The following PSPH variants were observed in gnomAD, a reference collection of about 807,000 sequenced individuals.
The protein encoded by PSPH is L-3-phosphoserine phosphatase.
Under a neutral mutation model 23.4 loss-of-function variants are expected in PSPH, and 16 were observed. The ratio of observed to expected loss-of-function variants is 0.68; its 90% confidence interval spans 0.46 to 1.04. The LOEUF (loss-of-function observed/expected upper bound fraction) is 1.04, where lower values mean the gene tolerates loss of function less well. PSPH is among the 50% of genes least tolerant of loss of function. PSPH has a pLI of 0.00. For missense variants in PSPH, 223 were observed against 273.7 expected, an observed-to-expected ratio of 0.81 and a Z score of 1.31; for synonymous variants, 68 against 99.7, an observed-to-expected ratio of 0.68 and a Z score of 1.89.
intron 3 of PSPH, among the ~76,000 whole-genome samples, chr7:56,026,048 C>T (rs1790144159): frequency 6.6e-6 from 1 of 152,100 alleles, no homozygotes; most frequent in South Asian, 2.1e-4. Flanking sequence ...CCCCATCAAC[C>T]CAGAAAATCA....
At chr7:56,049,204 A>G (rs1267438434) in intron 1 of PSPH, among the ~76,000 whole-genome samples, 1 of 150,858 alleles carries the variant, frequency 6.6e-6, no homozygotes. Flanking sequence ...GATTACAGGC[A>G]TAAGCCACTG....
At chr7:56,020,927 G>T in intron 4 of PSPH, 146 bp downstream of exon 4, 2 of 873,108 alleles carry the variant, frequency 2.3e-6, no homozygotes, top group African/African-American at 1.7e-5. Context: ...TTATATAAAT[G>T]AATGAATATG....
At chr7:56,041,726 C>T (rs1792563030) in intron 1 of PSPH, among the ~76,000 whole-genome samples, 1 of 151,672 alleles carries the variant, frequency 6.6e-6, no homozygotes. Flanking sequence ...GAGTTCAAGA[C>T]CAGCTGGGGC....
intron 3 of PSPH, among the ~76,000 whole-genome samples, chr7:56,027,186 C>T (rs925017873): frequency 8.0e-6 from 1 of 125,452 alleles, no homozygotes; most frequent in African/African-American, 3.0e-5. Flanking sequence ...GCCTGGGCAA[C>T]AAGAGCAAAA....
At chr7:56,018,215 A>G (rs953057061) in intron 5 of PSPH, among the ~76,000 whole-genome samples, 1 of 152,026 alleles carries the variant, frequency 6.6e-6, no homozygotes, top group Non-Finnish European at 1.5e-5. Context: ...ATGTTGGCAC[A>G]TGCCTGTAAT....
At chr7:56,038,291 C>CAAAAAAAA (rs34887035) in intron 1 of PSPH, among the ~76,000 whole-genome samples, 24 of 127,118 alleles carry the variant, frequency 1.9e-4, no homozygotes, top group African/African-American at 2.1e-4. Context: ...ACAAAAAATA[C>CAAAAAAAA]AAAAAAAAAA....
intron 1 of PSPH, among the ~76,000 whole-genome samples, chr7:56,034,492 T>A (rs1336891311): frequency 6.6e-6 from 1 of 152,088 alleles, no homozygotes; most frequent in Non-Finnish European, 1.5e-5. Flanking sequence ...GCAGTGTAGG[T>A]CCCAAAAGAA....
intron 1 of PSPH, among the ~76,000 whole-genome samples, chr7:56,034,710 G>GT (rs1791497225): frequency 6.6e-6 from 1 of 151,470 alleles, no homozygotes; most frequent in African/African-American, 2.4e-5. Context: ...TAGAGACGGG[G>GT]TTTCACCGTG....
At chr7:56,050,950 G>A (rs1562842374) in intron 1 of PSPH, among the ~76,000 whole-genome samples, 188 bp downstream of exon 1, 1 of 152,112 alleles carries the variant, frequency 6.6e-6, no homozygotes, top group Non-Finnish European at 1.5e-5. Context: ...AGGCCGAGGC[G>A]GGAGGATCAC....
intron 1 of PSPH, among the ~76,000 whole-genome samples, chr7:56,036,324 T>C (rs1738389366): frequency 6.6e-6 from 1 of 152,168 alleles, no homozygotes; most frequent in Admixed American, 6.6e-5. Flanking sequence ...ATTTATTTTG[T>C]TTGAGGTGAA....
At chr7:56,019,160 G>A (rs903476267) in intron 5 of PSPH, among the ~76,000 whole-genome samples, 1 of 152,020 alleles carries the variant, frequency 6.6e-6, no homozygotes, top group Admixed American at 6.6e-5. Context: ...AATAATAATA[G>A]GCCGGGTGCA....
chr7:56,049,936 AT>A (rs1346407029), intron 1 of PSPH, among the ~76,000 whole-genome samples: 1 of 151,820 alleles, frequency 6.6e-6, no homozygotes, highest in African/African-American at 2.4e-5. Context: ...GGGTTTCACC[AT>A]GTTGGCCAGG....
rs886396817 is a variant in PSPH at position 56,051,181 on chromosome 7, G to A, written c.-335C>T. The A allele has an allele frequency of 6.6e-6, 1 of 152,386 alleles. No individual in the cohort carries two copies. The highest frequency in any genetic ancestry group is 6.5e-5 in the Admixed American group (1 of 15,284). 9.4% of individuals were successfully genotyped at this position (152,386 alleles called of 1,614,324 possible). On this transcript the variant is annotated 5_prime_UTR_variant, in exon 1 of 8. Transcript: ENST00000275605. ...CAAAGGCAGGAATGACTCTACAAGG[G>A]TGAATTTTCAAATCTGCCATAGGGG...
rs538388262 is a variant in PSPH at position 56,024,845 on chromosome 7, C to A, written c.-19-3614G>T. 1.1e-3 allele frequency among the ~76,000 whole-genome samples: 171 copies of A among 149,310 alleles called. 3 individuals carry two copies. The South Asian group carries it at 0.036, about 31-fold the overall frequency. ...TTGAGAAGGAGTCTCGCTCTGTCAC[C>A]CAGGCTGGAGTGCAGTGGCACAATC... is the stretch of plus-strand genomic sequence containing the variant. On this transcript the variant is annotated intron_variant, in intron 3 of 7. Coordinates refer to ENST00000275605, the MANE Select transcript of PSPH (RefSeq NM_004577.4).
chr7:56,042,258 ATG>A (rs1171769699), intron 1 of PSPH, among the ~76,000 whole-genome samples: 1 of 152,030 alleles, frequency 6.6e-6, no homozygotes, highest in African/African-American at 2.4e-5. Flanking sequence ...AAAAAACTTA[ATG>A]AATTATTTCC....
intron 1 of PSPH, chr7:56,043,133 C>T (rs1352038021): frequency 1.3e-5 from 2 of 151,600 alleles, no homozygotes; most frequent in African/African-American, 2.4e-5. Flanking sequence ...ATTTGTGAGG[C>T]GAGGTGGTGC....
intron 3 of PSPH, among the ~76,000 whole-genome samples, chr7:56,024,205 G>A (rs555247988): frequency 1.9e-4 from 29 of 151,738 alleles, no homozygotes; most frequent in African/African-American, 6.3e-4. Context: ...GTGAGCCACC[G>A]CGCCCGGCCT....
intron 3 of PSPH, among the ~76,000 whole-genome samples, chr7:56,024,104 T>C (rs983262324): frequency 1.3e-5 from 2 of 151,936 alleles, no homozygotes; most frequent in African/African-American, 4.8e-5. Context: ...ATTTTTTGTA[T>C]TTTTAGTAGA....
intron 3 of PSPH, among the ~76,000 whole-genome samples, chr7:56,021,865 G>C (rs992210085): frequency 1.3e-5 from 2 of 151,176 alleles, no homozygotes; most frequent in Admixed American, 6.6e-5. Context: ...CAGGAGAATG[G>C]CGTGAACCTG....
Sources: allele counts gnomAD v4.1 joint callset (sites outside exome capture counted in the v4.1 genomes callset), GRCh38; gene constraint gnomAD v4.1.1; transcripts MANE v1.5; gene names NCBI Gene and HGNC (gene_info 2026-07-23, HGNC 2026-07-21).